Variants in CALN1 observed in about 807,000 individuals in gnomAD.
The protein encoded by CALN1 is calneuron 1.
CALN1 carries 17 observed loss-of-function variants against 30.6 expected under a neutral mutation model. The ratio of observed to expected loss-of-function variants is 0.56; its 90% confidence interval spans 0.38 to 0.83. CALN1 has a LOEUF of 0.83. CALN1 is among the 40% of genes least tolerant of loss of function. The pLI, the probability that CALN1 is intolerant of heterozygous loss-of-function variation, is 0.00. For missense variants in CALN1, 291 were observed against 354.9 expected (o/e 0.82, Z 1.45); for synonymous variants, 156 against 131.4 (o/e 1.19, Z -1.28).
chr7:72,401,127 G>A (rs747407013), intron 2 of CALN1, among the ~76,000 whole-genome samples: 7 of 152,160 alleles, frequency 4.6e-5, no homozygotes, highest in Non-Finnish European at 8.8e-5. Context: ...ACCTATAGAT[G>A]GGGACTGCAT....
intron 3 of CALN1, among the ~76,000 whole-genome samples, chr7:72,140,276 A>AAGAGAGAGAGAGAGAGAG (rs71069028): frequency 2.6e-4 from 31 of 119,958 alleles, no homozygotes; most frequent in African/African-American, 1.0e-3. Flanking sequence ...GTCTCAAAAT[A>AAGAGAGAGAGAGAGAGAG]AGAGAGAGAG....
intron 4 of CALN1, among the ~76,000 whole-genome samples, chr7:72,092,185 G>A (rs116532191): frequency 2.2e-3 from 334 of 152,216 alleles, no homozygotes; most frequent in African/African-American, 7.4e-3. Context: ...GCTTGGATCT[G>A]TTCATGAGAT....
chr7:72,360,960 C>A (rs1803535517), intron 2 of CALN1, among the ~76,000 whole-genome samples: 1 of 151,942 alleles, frequency 6.6e-6, no homozygotes, highest in African/African-American at 2.4e-5. Flanking sequence ...CTCCTGACCT[C>A]AAGTGATCTG....
intron 3 of CALN1, among the ~76,000 whole-genome samples, chr7:72,224,899 T>G (rs978454030): frequency 1.1e-4 from 16 of 151,708 alleles, no homozygotes; most frequent in African/African-American, 3.6e-4. Context: ...CCATCCTGGC[T>G]AACATGGTGA....
At chr7:72,097,228 C>T (rs1399069202) in intron 4 of CALN1, among the ~76,000 whole-genome samples, 1 of 152,134 alleles carries the variant, frequency 6.6e-6, no homozygotes, top group East Asian at 1.9e-4. Context: ...TTAATAGGTG[C>T]AGCACACCAA....
chr7:71,935,680 C>G (rs1795790979), intron 5 of CALN1, among the ~76,000 whole-genome samples: 1 of 152,160 alleles, frequency 6.6e-6, no homozygotes, highest in Non-Finnish European at 1.5e-5. Context: ...GGAGATCGCA[C>G]CCTTGCACTC....
At chr7:72,401,809 C>T (rs535482142) in intron 2 of CALN1, among the ~76,000 whole-genome samples, 2 of 152,348 alleles carry the variant, frequency 1.3e-5, no homozygotes, top group South Asian at 2.1e-4. Flanking sequence ...GCAAATATCC[C>T]TTTCCTCCGT....
intron 3 of CALN1, among the ~76,000 whole-genome samples, chr7:72,128,943 A>G (rs1441744401): frequency 6.6e-6 from 1 of 152,216 alleles, no homozygotes; most frequent in Admixed American, 6.5e-5. Context: ...TCAGAAACAA[A>G]GTAAACATGT....
the CALN1 span, among the ~76,000 whole-genome samples, chr7:72,452,855 G>C: frequency 1.3e-5 from 2 of 152,140 alleles, no homozygotes; most frequent in Admixed American, 1.3e-4. Context: ...TTGCCCCTCA[G>C]CTCCAGGATA....
chr7:71,978,805 C>T (rs1798239737), intron 5 of CALN1, among the ~76,000 whole-genome samples: 1 of 152,178 alleles, frequency 6.6e-6, no homozygotes, highest in African/African-American at 2.4e-5. Context: ...TTCACTATAT[C>T]CTATCACTGT....
chr7:72,266,933 G>A (rs1408359785), intron 3 of CALN1, among the ~76,000 whole-genome samples: 1 of 152,308 alleles, frequency 6.6e-6, no homozygotes, highest in Middle Eastern at 3.4e-3. Flanking sequence ...AGGTACCCAG[G>A]CAGATAAAAG....
chr7:72,139,735 AG>A (rs1271813492), intron 3 of CALN1, among the ~76,000 whole-genome samples: 1 of 152,160 alleles, frequency 6.6e-6, no homozygotes, highest in Non-Finnish European at 1.5e-5. Flanking sequence ...TCCACCCTCT[AG>A]GAACCTCAGT....
At chr7:72,224,396 C>T (rs1793521944) in intron 3 of CALN1, among the ~76,000 whole-genome samples, 1 of 151,956 alleles carries the variant, frequency 6.6e-6, no homozygotes, top group Non-Finnish European at 1.5e-5. Flanking sequence ...ATCACAGGGT[C>T]AAAAAGGAAA....
At chr7:72,096,609 T>C (rs1806252291) in intron 4 of CALN1, among the ~76,000 whole-genome samples, 1 of 152,096 alleles carries the variant, frequency 6.6e-6, no homozygotes, top group South Asian at 2.1e-4. Flanking sequence ...CGCTTCCTGG[T>C]TCGACTGTTT....
At chr7:72,318,813 AGTAGCTG>A (rs1163288649) in intron 2 of CALN1, among the ~76,000 whole-genome samples, 1 of 124,348 alleles carries the variant, frequency 8.0e-6, no homozygotes, top group Non-Finnish European at 1.6e-5. Flanking sequence ...CAGCCTCTGG[AGTAGCTG>A]GGATTTCAGG....
chr7:71,989,521 C>T (rs1237119965), intron 5 of CALN1, among the ~76,000 whole-genome samples: 1 of 151,790 alleles, frequency 6.6e-6, no homozygotes, highest in Non-Finnish European at 1.5e-5. Context: ...CTAATTCAGC[C>T]GTGTGTCTGA....
chr7:71,913,944 T>A (rs1794559334), intron 5 of CALN1: 1 of 152,232 alleles, frequency 6.6e-6, no homozygotes, highest in Non-Finnish European at 1.5e-5. Flanking sequence ...GTCCCTGGCT[T>A]ATGGATGACA....
chr7:71,810,380 C>T lies in CALN1; in HGVS notation c.614G>A (p.Ser205Asn), dbSNP rs756143744. ...IENIIINEEESLNETSGNCQT... is the reference protein window; with the variant it reads ...IENIIINEEENLNETSGNCQT... ...GCAGTTCCCCGAGGTCTCATTCAGG[C>T]TCTCTTCCTCATTGATAATGATGTT... is the stretch of plus-strand genomic sequence containing the variant. The change falls in exon 6 of 7, where the codon AGC (serine) becomes AAC (asparagine). Residue 205 changes from serine (S) to asparagine (N), a missense_variant. Ser to Asn is a conservative substitution (Grantham distance 46). Coordinates refer to ENST00000395275, the MANE Select transcript of CALN1 (RefSeq NM_031468.4). The T allele has an allele frequency of 2.5e-6, 4 of 1,614,148 alleles. No individual in the cohort carries two copies. Among genetic ancestry groups the T allele is most frequent in the Non-Finnish European group, 3.4e-6 (4 of 1,180,022 alleles).
intron 4 of CALN1, among the ~76,000 whole-genome samples, chr7:72,050,301 A>T (rs1802754165): frequency 6.6e-6 from 1 of 152,226 alleles, no homozygotes; most frequent in East Asian, 1.9e-4. Flanking sequence ...AAATTTCAGT[A>T]GTACAATTGC....
Sources: gnomAD v4.1 joint callset for allele counts (sites outside exome capture counted in the v4.1 genomes callset) on GRCh38, gnomAD v4.1.1 for gene constraint, MANE v1.5 for transcripts, NCBI Gene and HGNC (gene_info 2026-07-23, HGNC 2026-07-21) for gene names.